Variants in CRYL1 observed in about 807,000 individuals in gnomAD.
CRYL1 encodes the protein crystallin lambda 1.
Under a neutral mutation model 36.6 loss-of-function variants are expected in CRYL1, and 29 were observed. That is an observed-to-expected ratio of 0.79 (90% confidence interval 0.59 to 1.08). The LOEUF (loss-of-function observed/expected upper bound fraction) is 1.08. Among genes scored for constraint, CRYL1 ranks in the 50% least tolerant of loss-of-function variants. The probability of loss-of-function intolerance (pLI) is 0.00; values close to 1 mark genes in which losing one functional copy is unlikely to be tolerated. For synonymous variants in CRYL1, 152 were observed against 151.5 expected (o/e 1.00, Z -0.02); for missense variants, 411 against 407.9 (o/e 1.01, Z -0.06).
At position 20,413,380 on chromosome 13, in the gene CRYL1, A is replaced by C. The variant is rs1454761546; in HGVS notation, c.641T>G (p.Ile214Ser). The C allele has an allele frequency of 3.7e-6, 6 of 1,608,956 alleles. No individual in the cohort carries two copies. The Admixed American group carries it at 8.4e-5, about 23-fold the overall frequency. The change falls in exon 6 of 8, where the codon ATC (isoleucine) becomes AGC (serine). Residue 214 changes from isoleucine (I) to serine (S), a missense_variant. Transcript: ENST00000298248. Reference protein sequence around the residue: ...SEAWRLVEEGIVSPSDLDLVM... With the variant: ...SEAWRLVEEGSVSPSDLDLVM... ...AAGGTCCAGGTCACTAGGAGACACG[A>C]TTCCTTCCTACGTGGAGAAATTGGG...
intron 3 of CRYL1, among the ~76,000 whole-genome samples, chr13:20,450,372 T>C (rs1027890831): frequency 6.6e-6 from 1 of 152,160 alleles, no homozygotes; most frequent in African/African-American, 2.4e-5. Flanking sequence ...GGTGCTGGGA[T>C]AGCTGACTAG....
intron 5 of CRYL1, among the ~76,000 whole-genome samples, chr13:20,417,274 AATATT>A (rs1245305398): frequency 8.5e-5 from 13 of 152,232 alleles, no homozygotes; most frequent in African/African-American, 3.1e-4. Flanking sequence ...TCTGTGGCCT[AATATT>A]ATCATAACAA....
At chr13:20,502,299 T>A (rs966513219) in intron 2 of CRYL1, 3 of 152,442 alleles carry the variant, frequency 2.0e-5, no homozygotes, top group Non-Finnish European at 4.4e-5. Context: ...CCTGCCTGGA[T>A]CCACGCCACT....
At chr13:20,502,965 A>G (rs2033728687) in intron 2 of CRYL1, among the ~76,000 whole-genome samples, 1 of 152,170 alleles carries the variant, frequency 6.6e-6, no homozygotes, top group Non-Finnish European at 1.5e-5. Flanking sequence ...ATTGGTCTAG[A>G]TGCACAGCAC....
At chr13:20,507,357 T>C (rs1440341205) in intron 2 of CRYL1, among the ~76,000 whole-genome samples, 1 of 152,188 alleles carries the variant, frequency 6.6e-6, no homozygotes. Flanking sequence ...TATGGCTGCT[T>C]TTACTTTACA....
intron 3 of CRYL1, among the ~76,000 whole-genome samples, chr13:20,476,531 T>G (rs2033170728): frequency 6.6e-6 from 1 of 152,102 alleles, no homozygotes; most frequent in African/African-American, 2.4e-5. Flanking sequence ...AATATTGACT[T>G]TCAAATGAAA....
intron 5 of CRYL1, among the ~76,000 whole-genome samples, chr13:20,419,715 G>A (rs1358163296): frequency 6.6e-6 from 1 of 152,204 alleles, no homozygotes; most frequent in African/African-American, 2.4e-5. Flanking sequence ...ATCCGGCCTA[G>A]ATTAAGTTTA....
intron 1 of CRYL1, among the ~76,000 whole-genome samples, chr13:20,521,102 CAAAAAAAA>C (rs55882188): frequency 5.3e-5 from 4 of 75,588 alleles, no homozygotes; most frequent in Admixed American, 3.1e-4. Context: ...GACTCCGTCT[CAAAAAAAA>C]AAAAAAAAAA....
At chr13:20,429,478 T>A (rs528632642) in intron 5 of CRYL1, among the ~76,000 whole-genome samples, 2 of 152,256 alleles carry the variant, frequency 1.3e-5, no homozygotes, top group Middle Eastern at 3.4e-3. Context: ...ACTTGCAGTA[T>A]CTGGCATGGA....
chr13:20,499,514 G>A (rs536918300), intron 2 of CRYL1, among the ~76,000 whole-genome samples: 158 of 151,640 alleles, frequency 1.0e-3, no homozygotes, highest in Middle Eastern at 3.4e-3. Context: ...TTAGCCGGGC[G>A]TGGTGGCAGG....
chr13:20,460,289 C>T (rs1462688697), intron 3 of CRYL1, among the ~76,000 whole-genome samples: 1 of 152,086 alleles, frequency 6.6e-6, no homozygotes, highest in African/African-American at 2.4e-5. Flanking sequence ...ATAAATGCTG[C>T]CTCCATATAT....
chr13:20,458,734 CA>C (rs1236264932), intron 3 of CRYL1, among the ~76,000 whole-genome samples: 1 of 152,152 alleles, frequency 6.6e-6, no homozygotes, highest in Non-Finnish European at 1.5e-5. Flanking sequence ...ATGTGGACAC[CA>C]AATAGTGCCG....
chr13:20,406,666 T>C (rs1340650528), intron 6 of CRYL1, among the ~76,000 whole-genome samples: 1 of 152,104 alleles, frequency 6.6e-6, no homozygotes, highest in Non-Finnish European at 1.5e-5. Flanking sequence ...GCTAGTTGCT[T>C]ATTTATTAAA....
At chr13:20,491,379 G>C (rs780922333) in intron 2 of CRYL1, among the ~76,000 whole-genome samples, 1 of 152,144 alleles carries the variant, frequency 6.6e-6, no homozygotes, top group Non-Finnish European at 1.5e-5. Context: ...TCCCTGCTCA[G>C]ATCTCATCAC....
intron 3 of CRYL1, among the ~76,000 whole-genome samples, chr13:20,441,284 A>G (rs764007160): frequency 8.5e-5 from 13 of 152,196 alleles, no homozygotes; most frequent in Non-Finnish European, 1.6e-4. Context: ...GGACCTGCTG[A>G]ATCAGAGTCT....
chr13:20,459,215 G>T (rs1379064268), intron 3 of CRYL1, among the ~76,000 whole-genome samples: 1 of 123,930 alleles, frequency 8.1e-6, no homozygotes, highest in African/African-American at 3.0e-5. Flanking sequence ...CAGCCTGGGC[G>T]ACAGAGCGAG....
chr13:20,446,110 A>G (rs59286782), intron 3 of CRYL1, among the ~76,000 whole-genome samples: 20 of 152,056 alleles, frequency 1.3e-4, no homozygotes, highest in Middle Eastern at 3.4e-3. Flanking sequence ...TTAATTATTT[A>G]TTTTTTATTT....
At chr13:20,468,487 A>G (rs1411719156) in intron 3 of CRYL1, among the ~76,000 whole-genome samples, 1 of 152,224 alleles carries the variant, frequency 6.6e-6, no homozygotes, top group African/African-American at 2.4e-5. Context: ...GCATTCAACA[A>G]TCTACCAGTG....
At chr13:20,457,783 C>G (rs187285803) in intron 3 of CRYL1, among the ~76,000 whole-genome samples, 139 of 152,314 alleles carry the variant, frequency 9.1e-4, no homozygotes, top group African/African-American at 3.3e-3. Context: ...GCACCAGGCC[C>G]TGCTCCAAGT....
Sources: allele counts gnomAD v4.1 joint callset (sites outside exome capture counted in the v4.1 genomes callset), GRCh38; gene constraint gnomAD v4.1.1; transcripts MANE v1.5; gene names NCBI Gene and HGNC (gene_info 2026-07-23, HGNC 2026-07-21).